THADA: variants seen among roughly 807,000 people sequenced by gnomAD.
The protein encoded by THADA is THADA armadillo repeat containing, also known as tRNA (32-2'-O)-methyltransferase regulator THADA.
A neutral mutation model predicts 219.8 loss-of-function variants in THADA; 213 were observed. The ratio of observed to expected loss-of-function variants is 0.97; its 90% confidence interval spans 0.87 to 1.09. THADA has a LOEUF of 1.09. Ranked by LOEUF, THADA falls within the 50% of genes least tolerant of loss-of-function variation. THADA has a pLI of 0.00. For missense variants in THADA, 2,956 were observed against 2,311.3 expected, an observed-to-expected ratio of 1.28 and a Z score of -5.72; for synonymous variants, 1,018 against 828.9, an observed-to-expected ratio of 1.23 and a Z score of -3.92.
In THADA at chr2:43,570,419, T is replaced by C; in HGVS notation, c.2156A>G (p.Gln719Arg). 2 of 1,613,578 alleles carry C rather than the reference T, an allele frequency of 1.2e-6. No individual in the cohort carries two copies. Among genetic ancestry groups the C allele is most frequent in the South Asian group, 2.2e-5 (2 of 90,994 alleles). Residue 719 changes from glutamine to arginine, a missense_variant, in exon 14 of 38, where the codon CAG becomes CGG. Gln to Arg is a conservative substitution (Grantham distance 43, BLOSUM62 1). Transcript: ENST00000405975. ...KREPENELTK[Q>R]HPSVSLQQYK... is the part of the protein sequence containing the mutation. ...CTGCTGTAAAGAAACAGAAGGGTGCTGTTTGGTTAACTCATTCTCTGGTTC... is the reference window on the plus strand; with the variant it reads ...CTGCTGTAAAGAAACAGAAGGGTGCCGTTTGGTTAACTCATTCTCTGGTTC...
At chr2:43,484,339 A>G (rs1686623447) in intron 26 of THADA, 1 of 169,056 alleles carries the variant, frequency 5.9e-6, no homozygotes, top group South Asian at 2.0e-4. Context: ...ATTTCAATAA[A>G]CATTAGCTTA....
chr2:43,332,488 T>C (rs545639932), intron 30 of THADA, among the ~76,000 whole-genome samples: 2 of 152,336 alleles, frequency 1.3e-5, no homozygotes, highest in East Asian at 3.9e-4. Context: ...TTCATATATT[T>C]CCCACTGTGC....
chr2:43,260,536 G>A (rs1670820656), intron 36 of THADA, among the ~76,000 whole-genome samples: 1 of 152,118 alleles, frequency 6.6e-6, no homozygotes. Context: ...AGCCCAGGAG[G>A]TACAATGCAA....
intron 29 of THADA, among the ~76,000 whole-genome samples, chr2:43,389,746 A>T (rs957724025): frequency 6.6e-6 from 1 of 152,180 alleles, no homozygotes; most frequent in Admixed American, 6.5e-5. Context: ...CTTGCCTCAA[A>T]AACAGAAAGC....
chr2:43,549,477 G>C (rs1011527913), intron 19 of THADA, 109 bp from the exon 20 acceptor site: 2 of 1,124,824 alleles, frequency 1.8e-6, no homozygotes, highest in Admixed American at 3.2e-5. Flanking sequence ...TTAATAATCA[G>C]CTTTATTAGA....
chr2:43,594,302 A>G (rs146498600), intron 1 of THADA, among the ~76,000 whole-genome samples: 1,801 of 152,246 alleles, frequency 0.012, 38 homozygotes, highest in African/African-American at 0.039. Flanking sequence ...ACTTGAGGCC[A>G]GGAGTGGGGG....
chr2:43,326,854 C>A (rs1679393900), intron 30 of THADA, among the ~76,000 whole-genome samples: 1 of 152,224 alleles, frequency 6.6e-6, no homozygotes, highest in Admixed American at 6.5e-5. Context: ...CCAAGCTCTA[C>A]CAGAATTCAC....
intron 36 of THADA, among the ~76,000 whole-genome samples, chr2:43,233,645 GAA>G (rs758197239): frequency 3.9e-5 from 6 of 152,128 alleles, no homozygotes; most frequent in Non-Finnish European, 5.9e-5. Context: ...GAAGGGCACT[GAA>G]AGAATAGAAG....
At chr2:43,341,990 C>G (rs927651199) in intron 30 of THADA, among the ~76,000 whole-genome samples, 4 of 152,194 alleles carry the variant, frequency 2.6e-5, no homozygotes, top group Non-Finnish European at 4.4e-5. Context: ...GCAGGTGGAT[C>G]ACCTGAGCTC....
At chr2:43,406,831 C>G (rs1033521918) in intron 28 of THADA, among the ~76,000 whole-genome samples, 1 of 152,228 alleles carries the variant, frequency 6.6e-6, no homozygotes, top group African/African-American at 2.4e-5. Flanking sequence ...CATTCCGGAT[C>G]TACCCTCGGG....
intron 36 of THADA, among the ~76,000 whole-genome samples, chr2:43,255,042 T>C (rs1257510862): frequency 6.6e-6 from 1 of 152,034 alleles, no homozygotes; most frequent in African/African-American, 2.4e-5. Context: ...AACTAAAGAG[T>C]GTAACTATTT....
intron 24 of THADA, among the ~76,000 whole-genome samples, chr2:43,501,464 T>C (rs1688968460): frequency 1.3e-5 from 2 of 151,862 alleles, no homozygotes; most frequent in African/African-American, 4.8e-5. Flanking sequence ...CCCAAATAAA[T>C]CAATACATTT....
chr2:43,337,273 G>C (rs1278994318), intron 30 of THADA, among the ~76,000 whole-genome samples: 2 of 152,118 alleles, frequency 1.3e-5, no homozygotes, highest in African/African-American at 4.8e-5. Context: ...AATATAGAAA[G>C]TAAAAACTGA....
chr2:43,376,999 G>C (rs1253532893), intron 29 of THADA, among the ~76,000 whole-genome samples: 1 of 152,152 alleles, frequency 6.6e-6, no homozygotes, highest in South Asian at 2.1e-4. Flanking sequence ...CATTCATGGA[G>C]TACACGGCTC....
chr2:43,233,906 A>G (rs369142811), intron 36 of THADA, among the ~76,000 whole-genome samples: 2 of 151,970 alleles, frequency 1.3e-5, no homozygotes, highest in Non-Finnish European at 2.9e-5. Flanking sequence ...TCAATGATGC[A>G]TTTCTATTGA....
chr2:43,525,836 TA>T (rs1299664652), intron 22 of THADA, among the ~76,000 whole-genome samples: 1 of 152,192 alleles, frequency 6.6e-6, no homozygotes, highest in Non-Finnish European at 1.5e-5. Flanking sequence ...AAAAGTTAAC[TA>T]AAACCCCATG....
At chr2:43,254,856 A>C (rs1327164631) in intron 36 of THADA, among the ~76,000 whole-genome samples, 2 of 152,062 alleles carry the variant, frequency 1.3e-5, no homozygotes, top group Non-Finnish European at 2.9e-5. Flanking sequence ...AGGGCTTGGG[A>C]CTTGTTTTCT....
chr2:43,298,035 C>T (rs1358013045), intron 31 of THADA, among the ~76,000 whole-genome samples: 1 of 114,560 alleles, frequency 8.7e-6, no homozygotes, highest in African/African-American at 5.0e-5. Context: ...CCAGCCGCCC[C>T]GGCCGCCCCT....
chr2:43,408,344 G>A (rs908552375), intron 28 of THADA: 3 of 152,270 alleles, frequency 2.0e-5, no homozygotes, highest in South Asian at 2.1e-4. Flanking sequence ...AAATTGGAAC[G>A]ATACTGAGAA....
Sources: allele counts gnomAD v4.1 joint callset (sites outside exome capture counted in the v4.1 genomes callset), GRCh38; gene constraint gnomAD v4.1.1; transcripts MANE v1.5; gene names NCBI Gene and HGNC (gene_info 2026-07-23, HGNC 2026-07-21).